The following CFAP210 variants were observed in gnomAD, a reference collection of about 807,000 sequenced individuals.
CFAP210 encodes the protein cilia- and flagella- associated protein 210.
the CFAP210 span, among the ~76,000 whole-genome samples, chr2:169,687,618 C>T: frequency 2.0e-5 from 3 of 152,186 alleles, no homozygotes; most frequent in African/African-American, 7.2e-5. Context: ...GCAGTTCTGC[C>T]CCTGTGGCCT....
chr2:169,649,134 A>G, the CFAP210 span: 1 of 1,494,372 alleles, frequency 6.7e-7, no homozygotes, highest in Non-Finnish European at 9.0e-7. Flanking sequence ...TGAATTCTGT[A>G]TTATATACTT....
chr2:169,655,830 T>A, the CFAP210 span, among the ~76,000 whole-genome samples: 2 of 152,194 alleles, frequency 1.3e-5, no homozygotes, highest in Non-Finnish European at 2.9e-5. Flanking sequence ...AATTAAAATT[T>A]TCATAGCTAA....
chr2:169,665,306 A>G, the CFAP210 span, among the ~76,000 whole-genome samples: 4 of 122,906 alleles, frequency 3.3e-5, no homozygotes, highest in Admixed American at 7.4e-5. Context: ...CTGTTTTTTG[A>G]GACTGGTCTC....
At chr2:169,651,783 A>G in the CFAP210 span, among the ~76,000 whole-genome samples, 1 of 152,088 alleles carries the variant, frequency 6.6e-6, no homozygotes, top group Non-Finnish European at 1.5e-5. Context: ...AATCCTAAAT[A>G]TCCATCCCCT....
the CFAP210 span, among the ~76,000 whole-genome samples, chr2:169,659,038 A>C: frequency 5.3e-5 from 8 of 152,096 alleles, no homozygotes; most frequent in Non-Finnish European, 1.2e-4. Flanking sequence ...AGAATCACTT[A>C]AGCCTGGGAA....
At chr2:169,691,236 A>T in the CFAP210 span, among the ~76,000 whole-genome samples, 21,137 of 152,106 alleles carry the variant, frequency 0.14, 1,560 homozygotes, top group Middle Eastern at 0.19. Flanking sequence ...TGTGCTTTTC[A>T]ACTCCAACAT....
At chr2:169,653,053 T>A in the CFAP210 span, among the ~76,000 whole-genome samples, 4 of 100,546 alleles carry the variant, frequency 4.0e-5, no homozygotes, top group Non-Finnish European at 7.6e-5. Context: ...TATATATATA[T>A]ATATATATAT....
At chr2:169,679,976 T>A in the CFAP210 span, among the ~76,000 whole-genome samples, 8 of 152,066 alleles carry the variant, frequency 5.3e-5, no homozygotes, top group Non-Finnish European at 1.0e-4. Context: ...AAATGAAAAG[T>A]CAAGATATAG....
the CFAP210 span, among the ~76,000 whole-genome samples, chr2:169,653,029 AATATATATAT>A: frequency 0.031 from 1,235 of 39,838 alleles, 43 homozygotes; most frequent in African/African-American, 0.066. Flanking sequence ...AAAAAAAAAA[AATATATATAT>A]ATATATATAT....
chr2:169,679,540 G>T, the CFAP210 span, among the ~76,000 whole-genome samples: 1 of 152,082 alleles, frequency 6.6e-6, no homozygotes, highest in African/African-American at 2.4e-5. Context: ...AATTAGCCAG[G>T]CATGGTTGCA....
chr2:169,647,314 C>T, the CFAP210 span, among the ~76,000 whole-genome samples: 1 of 152,030 alleles, frequency 6.6e-6, no homozygotes, highest in Non-Finnish European at 1.5e-5. Context: ...GAAAGAACCA[C>T]TTGAAGCACA....
At chr2:169,693,002 T>C in the CFAP210 span, among the ~76,000 whole-genome samples, 1 of 152,248 alleles carries the variant, frequency 6.6e-6, no homozygotes, top group Non-Finnish European at 1.5e-5. Flanking sequence ...CTACAAATTG[T>C]TGCAAGCCTT....
the CFAP210 span, among the ~76,000 whole-genome samples, chr2:169,668,035 A>G: frequency 6.6e-6 from 1 of 152,142 alleles, no homozygotes; most frequent in East Asian, 1.9e-4. Context: ...TTTTCTTCCA[A>G]TGTAAGACTG....
chr2:169,651,498 G>A, the CFAP210 span, among the ~76,000 whole-genome samples: 63 of 151,864 alleles, frequency 4.1e-4, no homozygotes, highest in African/African-American at 1.3e-3. Flanking sequence ...GGGTTCAAGC[G>A]ATTCTCCTGC....
chr2:169,678,399 A>G, the CFAP210 span, among the ~76,000 whole-genome samples: 5 of 151,860 alleles, frequency 3.3e-5, no homozygotes, highest in Admixed American at 6.6e-5. Context: ...AAACAAATAG[A>G]GAGAATATGT....
chr2:169,654,261 C>G, the CFAP210 span: 1 of 1,475,920 alleles, frequency 6.8e-7, no homozygotes, highest in Non-Finnish European at 9.1e-7. Context: ...AGAAAAATAT[C>G]TTTCAACATA....
chr2:169,683,599 G>A, the CFAP210 span, among the ~76,000 whole-genome samples: 2 of 152,148 alleles, frequency 1.3e-5, no homozygotes, highest in Non-Finnish European at 2.9e-5. Flanking sequence ...TCTAAAGAGG[G>A]TCAGTATAGC....
At chr2:169,690,594 C>G in the CFAP210 span, among the ~76,000 whole-genome samples, 1 of 147,880 alleles carries the variant, frequency 6.8e-6, no homozygotes, top group Non-Finnish European at 1.5e-5. Flanking sequence ...ACCTGGGAGG[C>G]AGAGGTTGCA....
chr2:169,679,113 A>G, the CFAP210 span, among the ~76,000 whole-genome samples: 2 of 152,242 alleles, frequency 1.3e-5, no homozygotes, highest in African/African-American at 4.8e-5. Context: ...AAATTATGCA[A>G]GAACAATTGA....
Sources: gnomAD v4.1 joint callset for allele counts (sites outside exome capture counted in the v4.1 genomes callset) on GRCh38, gnomAD v4.1.1 for gene constraint, MANE v1.5 for transcripts, NCBI Gene and HGNC (gene_info 2026-07-23, HGNC 2026-07-21) for gene names.